Variants in SLCO1C1 observed in about 807,000 individuals in gnomAD.
SLCO1C1 encodes the protein OAT-RP-5.
Under a neutral mutation model 76.4 loss-of-function variants are expected in SLCO1C1, and 70 were observed. The ratio of observed to expected loss-of-function variants is 0.92; its 90% CI spans 0.76 to 1.12. The LOEUF (loss-of-function observed/expected upper bound fraction) is 1.12, where lower values mean the gene tolerates loss of function less well. Ranked by LOEUF, SLCO1C1 falls within the 50% of genes most tolerant of loss-of-function variation. SLCO1C1 has a pLI of 0.00. For synonymous variants in SLCO1C1, 306 were observed against 286.1 expected (o/e 1.07, Z -0.70); for missense variants, 912 against 823.8 (o/e 1.11, Z -1.31).
chr12:20,745,314 G>A (rs1948991417), intron 13 of SLCO1C1, among the ~76,000 whole-genome samples: 1 of 151,848 alleles, frequency 6.6e-6, no homozygotes, highest in Non-Finnish European at 1.5e-5. Flanking sequence ...AGCATACATT[G>A]GTTAAATAAG....
In SLCO1C1 at chr12:20,701,476, C is replaced by T. The variant is rs776957785; in HGVS notation, c.271+17C>T. On this transcript the variant is annotated intron_variant, in intron 3 of 14. Coordinates refer to ENST00000266509, the MANE Select transcript of SLCO1C1 (RefSeq NM_017435.5). ...TTGAAATTGGTAGGTATTACAGATGCCTGACTTTAATTTTAAGCCCAAGAT... is the reference window on the plus strand; with the variant it reads ...TTGAAATTGGTAGGTATTACAGATGTCTGACTTTAATTTTAAGCCCAAGAT... The T allele has an allele frequency of 2.7e-5, 39 of 1,441,518 alleles. No individual in the cohort carries two copies. Among genetic ancestry groups the T allele is most frequent in the Non-Finnish European group, 3.6e-5 (39 of 1,077,648 alleles). The allele number at this position is 1,441,518 out of a possible 1,614,324, so 89.3% of individuals were successfully genotyped here.
At position 20,750,569 on chromosome 12, in the gene SLCO1C1, C is replaced by T. The variant is rs1043266073; in HGVS notation, c.1799-106C>T. 3.0e-6 allele frequency: 3 copies of T among 1,004,520 alleles called. No individual in the cohort carries two copies. In the South Asian group the frequency reaches 4.4e-5, roughly 15 times the overall value. 62.2% of individuals were successfully genotyped at this position (1,004,520 alleles called of 1,614,324 possible). A position where few individuals can be genotyped will look rare whatever the true frequency, so the allele number is the denominator to read the frequency against. ...TTTCAGCATGTAATTGATGGCCTTTCATCTCCAAAACAGTAATTAGATTAA... is the reference window on the plus strand; with the variant it reads ...TTTCAGCATGTAATTGATGGCCTTTTATCTCCAAAACAGTAATTAGATTAA... On this transcript the variant is annotated intron_variant, in intron 13 of 14. Transcript: ENST00000266509.
rs749292171 is a variant in SLCO1C1, at chr12:20,723,079, T to G, written c.1022-11T>G. On this transcript the variant is annotated splice_polypyrimidine_tract_variant and intron_variant, in intron 8 of 14. Coordinates refer to ENST00000266509, the MANE Select transcript of SLCO1C1 (RefSeq NM_017435.5). ...CAACTTTAATTAGTCTATGTTATTTTTGTTTTACAGATTTTCTTCCATCAC... is the reference window on the plus strand; with the variant it reads ...CAACTTTAATTAGTCTATGTTATTTGTGTTTTACAGATTTTCTTCCATCAC... 12 of 1,603,188 alleles carry G rather than the reference T, an allele frequency of 7.5e-6. No homozygotes were observed. Among genetic ancestry groups the G allele is most frequent in the Non-Finnish European group, 1.0e-5 (12 of 1,175,264 alleles).
At position 20,731,037 on chromosome 12, in the gene SLCO1C1, C is replaced by T. The variant is rs563353040; in HGVS notation, c.1187-1872C>T. On this transcript the variant is annotated intron_variant, in intron 9 of 14. Transcript: ENST00000266509. ...GTAATTAACCTGGTTGCCCCCACCCCGGAGATGGCCATCCTGCCTGTGAAT... is the reference window on the plus strand; with the variant it reads ...GTAATTAACCTGGTTGCCCCCACCCTGGAGATGGCCATCCTGCCTGTGAAT... 5.3e-5 allele frequency among the ~76,000 whole-genome samples: 8 copies of T among 152,266 alleles called. No individual in the cohort carries two copies. The South Asian group carries it at 6.2e-4, about 12-fold the overall frequency.
At chr12:20,700,099 T>C (rs1946451105) in intron 2 of SLCO1C1, 1 of 154,060 alleles carries the variant, frequency 6.5e-6, no homozygotes, top group Non-Finnish European at 1.4e-5. Flanking sequence ...TTTTTTTTTT[T>C]TTTAGGATTG....
At chr12:20,736,503 G>A (rs1329831998) in intron 10 of SLCO1C1, among the ~76,000 whole-genome samples, 1 of 152,036 alleles carries the variant, frequency 6.6e-6, no homozygotes, top group East Asian at 1.9e-4. Flanking sequence ...ATATGAAAGA[G>A]CACTATACAC....
At chr12:20,737,382 C>A in intron 11 of SLCO1C1, 110 bp downstream of exon 11, 2 of 1,103,968 alleles carry the variant, frequency 1.8e-6, no homozygotes, top group Non-Finnish European at 2.5e-6. Flanking sequence ...TGCCTCTTAC[C>A]TCTGCCTGGT....
chr12:20,699,776 G>T, intron 2 of SLCO1C1, 71 bp downstream of exon 2: 1 of 1,370,622 alleles, frequency 7.3e-7, no homozygotes, highest in South Asian at 1.7e-5. Context: ...ATATAATGAA[G>T]TTAGAATGAG....
intron 7 of SLCO1C1, among the ~76,000 whole-genome samples, chr12:20,720,303 C>A (rs1474720565): frequency 1.3e-5 from 2 of 152,146 alleles, no homozygotes; most frequent in East Asian, 3.9e-4. Flanking sequence ...TGTTTTCATG[C>A]CTGCTAACAT....
chr12:20,711,189 T>G (rs1372351562), intron 4 of SLCO1C1, among the ~76,000 whole-genome samples, 197 bp from the exon 5 acceptor site: 2 of 152,228 alleles, frequency 1.3e-5, no homozygotes, highest in Non-Finnish European at 1.5e-5. Context: ...ACAAGCTTTG[T>G]GTAGAGTCTA....
chr12:20,734,906 C>A (rs2120840996), intron 10 of SLCO1C1, among the ~76,000 whole-genome samples: 1 of 152,216 alleles, frequency 6.6e-6, no homozygotes, highest in African/African-American at 2.4e-5. Flanking sequence ...ATATTCTTAA[C>A]AAGGGCAAAG....
chr12:20,743,129 A>G (rs927299517), intron 12 of SLCO1C1, among the ~76,000 whole-genome samples, 176 bp from the exon 13 acceptor site: 2 of 152,192 alleles, frequency 1.3e-5, no homozygotes, highest in African/African-American at 4.8e-5. Context: ...ATTGCATGAA[A>G]TGGAATGTGG....
At chr12:20,747,891 T>C (rs187191911) in intron 13 of SLCO1C1, among the ~76,000 whole-genome samples, 189 of 152,316 alleles carry the variant, frequency 1.2e-3, no homozygotes, top group Admixed American at 1.4e-3. Flanking sequence ...ATTTCAACAA[T>C]TATCAATACA....
intron 9 of SLCO1C1, among the ~76,000 whole-genome samples, chr12:20,725,061 A>T (rs1947898366): frequency 7.5e-6 from 1 of 133,750 alleles, no homozygotes; most frequent in East Asian, 2.1e-4. Context: ...TTAATTATAT[A>T]TTATATATAT....
At chr12:20,745,009 AT>A (rs1948977201) in intron 13 of SLCO1C1, among the ~76,000 whole-genome samples, 1 of 152,182 alleles carries the variant, frequency 6.6e-6, no homozygotes, top group Admixed American at 6.5e-5. Flanking sequence ...ATGGAGAACA[AT>A]TTTTATTGTA....
intron 8 of SLCO1C1, among the ~76,000 whole-genome samples, chr12:20,722,515 T>C (rs1405317815): frequency 6.6e-6 from 1 of 152,186 alleles, no homozygotes; most frequent in African/African-American, 2.4e-5. Context: ...GAGCAGCCCC[T>C]CATGATATTG....
At chr12:20,724,419 A>G (rs1447513246) in intron 9 of SLCO1C1, among the ~76,000 whole-genome samples, 12 of 80,716 alleles carry the variant, frequency 1.5e-4, no homozygotes, top group South Asian at 7.7e-4. Context: ...GTGTATATAT[A>G]TATATATATA....
chr12:20,701,487 T>C (rs1278926540), intron 3 of SLCO1C1, 28 bp downstream of exon 3: 4 of 1,432,000 alleles, frequency 2.8e-6, no homozygotes, highest in Non-Finnish European at 3.7e-6. Flanking sequence ...CTGACTTTAA[T>C]TTTAAGCCCA....
At chr12:20,751,889 GA>G (rs777994047) in intron 14 of SLCO1C1, among the ~76,000 whole-genome samples, 1 of 152,100 alleles carries the variant, frequency 6.6e-6, no homozygotes, top group Non-Finnish European at 1.5e-5. Context: ...GTTTTCCAAA[GA>G]AATGAAGTTG....
Sources: gnomAD v4.1 joint callset for allele counts (sites outside exome capture counted in the v4.1 genomes callset) on GRCh38, gnomAD v4.1.1 for gene constraint, MANE v1.5 for transcripts, NCBI Gene and HGNC (gene_info 2026-07-23, HGNC 2026-07-21) for gene names.